Variants in TSPAN2 observed in about 807,000 individuals in gnomAD.
The protein encoded by TSPAN2 is tetraspanin 2.
A neutral mutation model predicts 33.3 loss-of-function variants in TSPAN2; 24 were observed. The ratio of observed to expected loss-of-function variants is 0.72; its 90% CI spans 0.52 to 1.01. The LOEUF is 1.01. TSPAN2 is among the 50% of genes least tolerant of loss of function. The pLI is 0.00. For missense variants in TSPAN2, 278 were observed against 281.3 expected (o/e 0.99, Z 0.08); for synonymous variants, 114 against 104.5 (o/e 1.09, Z -0.56).
intron 1 of TSPAN2, among the ~76,000 whole-genome samples, chr1:115,073,548 C>CA (rs546288255): frequency 2.6e-3 from 391 of 147,768 alleles, no homozygotes; most frequent in Non-Finnish European, 4.6e-3. Context: ...GCACAGTCCC[C>CA]AAATAGAAAG....
chr1:115,078,390 G>A (rs1049833910), intron 1 of TSPAN2, among the ~76,000 whole-genome samples: 2 of 152,106 alleles, frequency 1.3e-5, no homozygotes, highest in African/African-American at 2.4e-5. Flanking sequence ...AGTGAATGGA[G>A]GACCTTCACA....
chr1:115,064,492 C>T (rs1647862419), intron 2 of TSPAN2, among the ~76,000 whole-genome samples: 1 of 152,238 alleles, frequency 6.6e-6, no homozygotes, highest in Non-Finnish European at 1.5e-5. Flanking sequence ...GGGAATTCAC[C>T]ATGATCTGGC....
intron 1 of TSPAN2, among the ~76,000 whole-genome samples, chr1:115,083,623 C>T (rs945093425): frequency 6.6e-5 from 10 of 152,254 alleles, no homozygotes; most frequent in South Asian, 2.1e-4. Flanking sequence ...CCACTGAATC[C>T]GAATAAAGCT....
chr1:115,056,307 C>G (rs979602403), intron 6 of TSPAN2, among the ~76,000 whole-genome samples: 4 of 152,154 alleles, frequency 2.6e-5, no homozygotes, highest in Non-Finnish European at 4.4e-5. Context: ...TGGCTCAAAT[C>G]GAAACTTCTT....
intron 4 of TSPAN2, among the ~76,000 whole-genome samples, chr1:115,059,334 G>A (rs1023935104): frequency 6.6e-6 from 1 of 152,170 alleles, no homozygotes; most frequent in African/African-American, 2.4e-5. Flanking sequence ...AGCAACATAT[G>A]GAGAAGATTA....
Position 115,089,449 on chromosome 1 carries a change from G to A in TSPAN2, c.-17C>T, listed in dbSNP as rs371749538. On this transcript the variant is annotated 5_prime_UTR_variant, in exon 1 of 8. Coordinates refer to ENST00000369516, the MANE Select transcript of TSPAN2 (RefSeq NM_005725.6). The stretch of plus-strand genomic sequence containing the variant: ...GCGCCCCATGCTGCGGCCCGGCGGC[G>A]GGATCCCCAGTCCCCAGGCCCGCGC... 3.2e-4 allele frequency: 487 copies of A among 1,545,552 alleles called. No homozygotes were observed. The highest frequency in any genetic ancestry group is 4.1e-4 in the Non-Finnish European group (471 of 1,147,456).
intron 1 of TSPAN2, among the ~76,000 whole-genome samples, chr1:115,075,973 G>A (rs1013702461): frequency 3.9e-5 from 6 of 152,004 alleles, no homozygotes; most frequent in Admixed American, 3.9e-4. Flanking sequence ...TGTGCTCAGT[G>A]TCAGGGAAAC....
chr1:115,057,682 G>A (rs1647489043), intron 5 of TSPAN2, 74 bp from the exon 6 acceptor site: 3 of 1,445,390 alleles, frequency 2.1e-6, no homozygotes, highest in Admixed American at 3.4e-5. Context: ...CCCTGCTAAG[G>A]ACTGGGGTGC....
Position 115,074,092 on chromosome 1 carries a change from G to GTCTAA in TSPAN2, c.70-1086_70-1085insTTAGA, listed in dbSNP as rs1301708518. Among the ~76,000 whole-genome samples the GTCTAA allele has an allele frequency of 2.6e-5, 4 of 152,200 alleles. No individual in the cohort carries two copies. The East Asian group carries it at 7.7e-4, about 29-fold the overall frequency. On this transcript the variant is annotated intron_variant, in intron 1 of 7. Coordinates refer to ENST00000369516, the MANE Select transcript of TSPAN2 (RefSeq NM_005725.6). ...ATCCAGTTGCTGTTGGGCTGCCCTA[G>GTCTAA]TCTACCACTAAATGAACAATTTAGA... is the stretch of plus-strand genomic sequence containing the variant.
chr1:115,061,388 G>T (rs1355294403), intron 3 of TSPAN2, among the ~76,000 whole-genome samples: 1 of 152,166 alleles, frequency 6.6e-6, no homozygotes, highest in Admixed American at 6.5e-5. Flanking sequence ...GAAATTATTT[G>T]ATTTTTGTTT....
intron 5 of TSPAN2, chr1:115,058,101 C>G (rs1647507123): frequency 6.0e-6 from 1 of 165,966 alleles, no homozygotes; most frequent in Admixed American, 5.7e-5. Context: ...CTTAGGCTAG[C>G]TGGCCCTTTA....
At chr1:115,061,703 GC>G (rs1401293479) in intron 3 of TSPAN2, among the ~76,000 whole-genome samples, 1 of 151,908 alleles carries the variant, frequency 6.6e-6, no homozygotes, top group African/African-American at 2.4e-5. Flanking sequence ...ACAAGGTTTT[GC>G]TCTGTCGCCC....
chr1:115,051,538 AT>A (rs1675314063), intron 7 of TSPAN2, among the ~76,000 whole-genome samples: 1 of 152,164 alleles, frequency 6.6e-6, no homozygotes, highest in African/African-American at 2.4e-5. Flanking sequence ...CTTGTCCGCT[AT>A]TATTTCCCCT....
At chr1:115,075,983 C>G (rs559952482) in intron 1 of TSPAN2, among the ~76,000 whole-genome samples, 1 of 151,708 alleles carries the variant, frequency 6.6e-6, no homozygotes, top group Non-Finnish European at 1.5e-5. Context: ...GTCAGGGAAA[C>G]GATGATGAAA....
Position 115,062,215 on chromosome 1 carries a change from C to T in TSPAN2, c.190G>A (p.Gly64Arg). 6.3e-7 allele frequency: 1 copy of T among 1,592,648 alleles called. No individual in the cohort carries two copies. The highest frequency in any genetic ancestry group is 8.6e-7 in the Non-Finnish European group (1 of 1,169,338). ...YFYVGLYVLVGAGALMMAVGF... is the reference protein window; with the variant it reads ...YFYVGLYVLVRAGALMMAVGF... ...ACGGCCATCATCAGGGCCCCGGCTC[C>T]AACCAGAACATACAGCCCTGTGGGG... The change falls in exon 3 of 8, where the codon GGA (glycine) becomes AGA (arginine). Residue 64 changes from glycine to arginine, a missense_variant. Transcript: ENST00000369516.
intron 1 of TSPAN2, among the ~76,000 whole-genome samples, chr1:115,086,862 C>A (rs1451879315): frequency 6.6e-6 from 1 of 152,152 alleles, no homozygotes; most frequent in East Asian, 1.9e-4. Context: ...ATTGCTGGAT[C>A]CTACCCCCAG....
At chr1:115,088,169 C>A (rs1648917691) in intron 1 of TSPAN2, among the ~76,000 whole-genome samples, 1 of 152,224 alleles carries the variant, frequency 6.6e-6, no homozygotes, top group Admixed American at 6.5e-5. Context: ...CCTTCCACTG[C>A]TGAAGGATAC....
chr1:115,086,919 T>C lies in TSPAN2; in HGVS notation c.69+2445A>G, dbSNP rs889093424. ...GGGATGAGCTGAGAATTTTGTTTGT[T>C]TGTTTGTTTGTTTTTGAGATGGAGT... On this transcript the variant is annotated intron_variant, in intron 1 of 7. Coordinates refer to ENST00000369516, the MANE Select transcript of TSPAN2 (RefSeq NM_005725.6). Among the ~76,000 whole-genome samples the C allele has an allele frequency of 7.2e-5, 11 of 152,202 alleles. No individual in the cohort carries two copies. In the East Asian group the frequency reaches 1.7e-3, roughly 24 times the overall value.
intron 2 of TSPAN2, among the ~76,000 whole-genome samples, chr1:115,064,831 T>A (rs7528261): frequency 6.6e-6 from 1 of 152,144 alleles, no homozygotes; most frequent in African/African-American, 2.4e-5. Flanking sequence ...CTGGAATATG[T>A]GAAAGAGGGA....
Sources: allele counts gnomAD v4.1 joint callset (sites outside exome capture counted in the v4.1 genomes callset), GRCh38; gene constraint gnomAD v4.1.1; transcripts MANE v1.5; gene names NCBI Gene and HGNC (gene_info 2026-07-23, HGNC 2026-07-21).